ZNF674: variants seen among roughly 807,000 people sequenced by gnomAD.
ZNF674 encodes zinc finger protein 674.
A neutral mutation model predicts 7.0 loss-of-function variants in ZNF674; 2 were observed. That is an observed-to-expected ratio of 0.29 (90% CI 0.12 to 0.90). ZNF674 has a LOEUF of 0.90. Among genes scored for constraint, ZNF674 ranks in the 40% least tolerant of loss-of-function variants. The probability of loss-of-function intolerance (pLI) is 0.57; values close to 1 mark genes in which losing one functional copy is unlikely to be tolerated. For synonymous variants in ZNF674, 103 were observed against 145.2 expected (o/e 0.71, Z 2.09); for missense variants, 297 against 415.5 (o/e 0.71, Z 2.48).
At chrX:46,535,200 G>A (rs904433248) in intron 3 of ZNF674, among the ~76,000 whole-genome samples, 3 of 110,539 alleles carry the variant, frequency 2.7e-5, no homozygotes, top group East Asian at 2.8e-4. Context: ...AGGCTGGAAT[G>A]CAGTGGCATG....
intron 5 of ZNF674, among the ~76,000 whole-genome samples, chrX:46,509,363 G>A (rs1464965447): frequency 9.0e-6 from 1 of 110,853 alleles, no homozygotes; most frequent in East Asian, 2.8e-4. Flanking sequence ...CCTACAAAAT[G>A]GGAGAACATT....
At chrX:46,538,854 T>C (rs1242194479) in intron 3 of ZNF674, among the ~76,000 whole-genome samples, 1 of 108,925 alleles carries the variant, frequency 9.2e-6, no homozygotes, top group Non-Finnish European at 1.9e-5. Flanking sequence ...ATCACACCAC[T>C]GCACTCCAGC....
At chrX:46,524,837 T>G (rs950926802) in intron 5 of ZNF674, among the ~76,000 whole-genome samples, 1 of 109,847 alleles carries the variant, frequency 9.1e-6, no homozygotes, top group African/African-American at 3.3e-5. Flanking sequence ...CAACAAGACC[T>G]CATCTTTACA....
intron 5 of ZNF674, among the ~76,000 whole-genome samples, chrX:46,526,635 G>T (rs1360128043): frequency 9.0e-6 from 1 of 110,979 alleles, no homozygotes; most frequent in Non-Finnish European, 1.9e-5. Context: ...CAACAACGAA[G>T]AGTATTTTCA....
intron 5 of ZNF674, among the ~76,000 whole-genome samples, chrX:46,518,543 A>C (rs887281085): frequency 9.1e-6 from 1 of 109,583 alleles, no homozygotes; most frequent in Non-Finnish European, 1.9e-5. Context: ...CAGGAGCTCA[A>C]GATCAGCCTG....
chrX:46,536,838 GAAC>G (rs1429124342), intron 3 of ZNF674, among the ~76,000 whole-genome samples: 1 of 112,292 alleles, frequency 8.9e-6, no homozygotes, highest in Non-Finnish European at 1.9e-5. Context: ...CAAAATGGTA[GAAC>G]AACAGCTGTA....
intron 5 of ZNF674, among the ~76,000 whole-genome samples, chrX:46,502,545 A>T (rs962202302): frequency 1.8e-5 from 2 of 108,155 alleles, no homozygotes; most frequent in East Asian, 2.9e-4. Context: ...GGCATTATTT[A>T]AAAAAAAAAC....
chrX:46,514,144 T>C (rs1193551527), intron 5 of ZNF674, among the ~76,000 whole-genome samples: 3 of 111,644 alleles, frequency 2.7e-5, no homozygotes, highest in Admixed American at 9.5e-5. Context: ...TCTTTAGAGA[T>C]AGCCATTGGA....
At chrX:46,543,894 A>C (rs1356863460) in intron 2 of ZNF674, among the ~76,000 whole-genome samples, 1 of 112,508 alleles carries the variant, frequency 8.9e-6, no homozygotes, top group East Asian at 2.8e-4. Flanking sequence ...TCTATAAACT[A>C]AAAATATATT....
intron 3 of ZNF674, among the ~76,000 whole-genome samples, chrX:46,534,510 C>T (rs777818089): frequency 2.7e-5 from 3 of 110,622 alleles, no homozygotes; most frequent in South Asian, 3.9e-4. Context: ...TCCAGGCACA[C>T]GCCACCTCAC....
chrX:46,533,827 A>AT (rs1266598721), intron 3 of ZNF674, among the ~76,000 whole-genome samples: 8 of 70,772 alleles, frequency 1.1e-4, no homozygotes, highest in South Asian at 7.2e-4. Flanking sequence ...AAAAAAAAAA[A>AT]AAATATATAT....
At chrX:46,502,336 C>A (rs1020168157) in intron 5 of ZNF674, among the ~76,000 whole-genome samples, 1 of 102,726 alleles carries the variant, frequency 9.7e-6, no homozygotes, top group Non-Finnish European at 2.0e-5. Context: ...AAATTTAAAA[C>A]CTTAGAAGGA....
At chrX:46,519,421 A>G (rs1941864556) in intron 5 of ZNF674, among the ~76,000 whole-genome samples, 4 of 108,365 alleles carry the variant, frequency 3.7e-5, no homozygotes, top group African/African-American at 6.7e-5. Context: ...CAGCCTGGCC[A>G]ACATGGTGAA....
chrX:46,519,559 G>T (rs1941867696), intron 5 of ZNF674, among the ~76,000 whole-genome samples: 1 of 108,008 alleles, frequency 9.3e-6, no homozygotes, highest in African/African-American at 3.3e-5. Flanking sequence ...AGTGAGCCAA[G>T]ATTGTGCCAC....
At position 46,523,158 on chromosome X, in the gene ZNF674, A is replaced by T. The variant is rs1569478274; in HGVS notation, c.238+5192T>A. 4 of 247,817 alleles carry T rather than the reference A, an allele frequency of 1.6e-5. No individual in the cohort carries two copies. The South Asian group carries it at 1.8e-4, about 11-fold the overall frequency. 20.4% of individuals were successfully genotyped at this position (247,817 alleles called of 1,213,427 possible). A position where few individuals can be genotyped will look rare whatever the true frequency, so the allele number is the denominator to read the frequency against. ...AAAGAAATAGAAAATGAAAAACACA[A>T]AAATAAACACAATCAAAAGCTGGTT... On this transcript the variant is annotated intron_variant, in intron 5 of 5. Transcript: ENST00000683375.
intron 5 of ZNF674, among the ~76,000 whole-genome samples, chrX:46,521,968 A>G (rs1412238565): frequency 9.2e-6 from 1 of 108,883 alleles, no homozygotes; most frequent in African/African-American, 3.3e-5. Context: ...GGCACATACC[A>G]TAAGAAATAA....
intron 5 of ZNF674, chrX:46,525,448 CAAAA>C: frequency 5.4e-5 from 5 of 92,008 alleles, no homozygotes; most frequent in East Asian, 3.4e-4. Context: ...ACTAAAAATA[CAAAA>C]AAAAAAAAAA....
intron 5 of ZNF674, among the ~76,000 whole-genome samples, chrX:46,515,038 T>C (rs150766094): frequency 2.7e-3 from 304 of 111,889 alleles, no homozygotes; most frequent in African/African-American, 9.5e-3. Context: ...TTTATACTAA[T>C]AAATTTGACA....
intron 3 of ZNF674, among the ~76,000 whole-genome samples, chrX:46,540,121 G>A (rs1942266828): frequency 1.8e-5 from 2 of 111,223 alleles, no homozygotes; most frequent in Non-Finnish European, 3.8e-5. Context: ...GCAGGCGCCT[G>A]TAGTCCCAGC....
Sources: gnomAD v4.1 joint callset for allele counts (sites outside exome capture counted in the v4.1 genomes callset) on GRCh38, gnomAD v4.1.1 for gene constraint, MANE v1.5 for transcripts, NCBI Gene and HGNC (gene_info 2026-07-23, HGNC 2026-07-21) for gene names.